The following DNAJC3 variants were observed in gnomAD, a reference collection of about 807,000 sequenced individuals.
The protein encoded by DNAJC3 is dnaJ homolog subfamily C member 3.
A neutral mutation model predicts 68.6 loss-of-function variants in DNAJC3; 38 were observed. That is an observed-to-expected ratio of 0.55 (90% CI 0.43 to 0.73). The LOEUF (loss-of-function observed/expected upper bound fraction) is 0.73, where lower values mean the gene tolerates loss of function less well. Among genes scored for constraint, DNAJC3 ranks in the 30% least tolerant of loss-of-function variants. DNAJC3 has a pLI of 0.00. For synonymous variants in DNAJC3, 203 were observed against 204.0 expected (o/e 1.00, Z 0.04); for missense variants, 526 against 591.9 (o/e 0.89, Z 1.16).
intron 9 of DNAJC3, among the ~76,000 whole-genome samples, chr13:95,773,157 T>TTG (rs1555328773): frequency 2.7e-5 from 4 of 150,432 alleles, no homozygotes; most frequent in African/African-American, 4.9e-5. Flanking sequence ...ATTTAGTTTT[T>TTG]TTTTTTTTTT....
At chr13:95,701,995 A>G (rs947876900) in intron 1 of DNAJC3, among the ~76,000 whole-genome samples, 1 of 152,224 alleles carries the variant, frequency 6.6e-6, no homozygotes, top group African/African-American at 2.4e-5. Flanking sequence ...TTTAACACAT[A>G]TGCATCTGGA....
chr13:95,702,632 A>G (rs1880615979), intron 1 of DNAJC3, among the ~76,000 whole-genome samples: 1 of 152,234 alleles, frequency 6.6e-6, no homozygotes, highest in African/African-American at 2.4e-5. Context: ...TCAACAAGAA[A>G]GTGCAGTCTA....
intron 2 of DNAJC3, among the ~76,000 whole-genome samples, chr13:95,717,426 T>C (rs1416702670): frequency 1.3e-5 from 2 of 152,226 alleles, no homozygotes; most frequent in African/African-American, 4.8e-5. Context: ...GAAGGTGATA[T>C]TCCAGTTCAA....
rs1049113081 is a variant in DNAJC3, at chr13:95,793,413, G to A, written c.*2383G>A. On this transcript the variant is annotated 3_prime_UTR_variant, in exon 12 of 12. Transcript: ENST00000602402. ...CATTCCCCCTGCCTGTCTCACTGTA[G>A]GGTAGCATTATCCACTGTAAAACCA... 1.3e-5 allele frequency: 2 copies of A among 151,796 alleles called. No homozygotes were observed. The highest frequency in any genetic ancestry group is 6.6e-5 in the Admixed American group (1 of 15,230). 9.4% of individuals were successfully genotyped at this position (151,796 alleles called of 1,614,324 possible).
chr13:95,704,115 A>G (rs1307593937), intron 1 of DNAJC3, among the ~76,000 whole-genome samples: 1 of 152,172 alleles, frequency 6.6e-6, no homozygotes, highest in African/African-American at 2.4e-5. Flanking sequence ...AGAAGTACAA[A>G]ATGGCCATAT....
At chr13:95,732,676 A>G (rs1461517273) in intron 4 of DNAJC3, among the ~76,000 whole-genome samples, 4 of 150,852 alleles carry the variant, frequency 2.7e-5, no homozygotes, top group African/African-American at 9.7e-5. Context: ...AATTTCATTT[A>G]GTTCTGCTGT....
intron 9 of DNAJC3, among the ~76,000 whole-genome samples, chr13:95,780,127 T>C (rs1883409186): frequency 6.6e-6 from 1 of 152,136 alleles, no homozygotes; most frequent in Non-Finnish European, 1.5e-5. Flanking sequence ...GCTAAAATGA[T>C]TTTGCTGTAT....
chr13:95,721,903 C>T (rs1350343409), intron 2 of DNAJC3, among the ~76,000 whole-genome samples: 5 of 152,050 alleles, frequency 3.3e-5, no homozygotes, highest in East Asian at 1.9e-4. Flanking sequence ...ACTGTCCTGC[C>T]GTATAGATTC....
chr13:95,759,358 C>A (rs184383542), intron 5 of DNAJC3, among the ~76,000 whole-genome samples: 1 of 152,278 alleles, frequency 6.6e-6, no homozygotes, highest in East Asian at 1.9e-4. Flanking sequence ...GTTACCTAGA[C>A]TGGAGTGCAG....
At chr13:95,750,304 A>C (rs902700022) in intron 4 of DNAJC3, among the ~76,000 whole-genome samples, 12 of 150,508 alleles carry the variant, frequency 8.0e-5, no homozygotes, top group African/African-American at 2.9e-4. Context: ...CAAACCCCAC[A>C]GTTTACTCCT....
At chr13:95,679,709 T>C (rs1313181579) in intron 1 of DNAJC3, among the ~76,000 whole-genome samples, 5 of 152,208 alleles carry the variant, frequency 3.3e-5, no homozygotes, top group Middle Eastern at 3.2e-3. Context: ...TGTGAGATGA[T>C]AGATATATTA....
chr13:95,704,020 C>T (rs368233180), intron 1 of DNAJC3, among the ~76,000 whole-genome samples: 3 of 152,202 alleles, frequency 2.0e-5, no homozygotes, highest in East Asian at 1.9e-4. Context: ...CAAAATAGCA[C>T]ACTTGTTTGC....
chr13:95,786,126 G>T, intron 10 of DNAJC3, 55 bp downstream of exon 10: 1 of 1,471,530 alleles, frequency 6.8e-7, no homozygotes, highest in South Asian at 1.4e-5. Flanking sequence ...CTGTTTCAAA[G>T]CTAATCATTG....
intron 9 of DNAJC3, among the ~76,000 whole-genome samples, chr13:95,767,037 T>C (rs1883012513): frequency 6.6e-6 from 1 of 152,230 alleles, no homozygotes; most frequent in African/African-American, 2.4e-5. Flanking sequence ...TGGTAAAAGA[T>C]ACAGTATAAA....
chr13:95,695,535 T>C (rs1292178592), intron 1 of DNAJC3: 1 of 152,266 alleles, frequency 6.6e-6, no homozygotes, highest in Non-Finnish European at 1.5e-5. Flanking sequence ...ATTAAGTCAA[T>C]GCCTGTTCTG....
At chr13:95,681,731 A>G (rs1469739072) in intron 1 of DNAJC3, among the ~76,000 whole-genome samples, 2 of 152,202 alleles carry the variant, frequency 1.3e-5, no homozygotes, top group African/African-American at 2.4e-5. Context: ...ACAATTCTTT[A>G]CTATGTCTAT....
rs535147329 is a variant in DNAJC3, at chr13:95,791,754, C to T, written c.*724C>T. 6.6e-6 allele frequency: 1 copy of T among 152,186 alleles called. No homozygotes were observed. Among genetic ancestry groups the T allele is most frequent in the South Asian group, 2.1e-4 (1 of 4,820 alleles). 9.4% of individuals were successfully genotyped at this position (152,186 alleles called of 1,614,324 possible). A position where few individuals can be genotyped will look rare whatever the true frequency, so the allele number is the denominator to read the frequency against. On this transcript the variant is annotated 3_prime_UTR_variant, in exon 12 of 12. Coordinates refer to ENST00000602402, the MANE Select transcript of DNAJC3 (RefSeq NM_006260.5). ...TCCTATGGACCCTTTTAATATTAAA[C>T]ACAACAAATTAAAAGTTGTTATAGG...
chr13:95,779,826 AT>A (rs1883399127), intron 9 of DNAJC3, among the ~76,000 whole-genome samples: 1 of 152,176 alleles, frequency 6.6e-6, no homozygotes, highest in Non-Finnish European at 1.5e-5. Context: ...AGAAAATAGT[AT>A]GCTTTGGCTA....
At chr13:95,677,653 G>A (rs1193289063) in intron 1 of DNAJC3, among the ~76,000 whole-genome samples, 1 of 152,236 alleles carries the variant, frequency 6.6e-6, no homozygotes, top group African/African-American at 2.4e-5. Flanking sequence ...GACTTGGGCA[G>A]CCTTTGGGTC....
Sources: gnomAD v4.1 joint callset for allele counts (sites outside exome capture counted in the v4.1 genomes callset) on GRCh38, gnomAD v4.1.1 for gene constraint, MANE v1.5 for transcripts, NCBI Gene and HGNC (gene_info 2026-07-23, HGNC 2026-07-21) for gene names.